DISC1: variants seen among roughly 807,000 people sequenced by gnomAD.
DISC1 encodes DISC1 scaffold protein.
A neutral mutation model predicts 84.5 loss-of-function variants in DISC1; 57 were observed. The ratio of observed to expected loss-of-function variants is 0.67; its 90% CI spans 0.55 to 0.84. The LOEUF is 0.84. Among genes scored for constraint, DISC1 ranks in the 40% least tolerant of loss-of-function variants. DISC1 has a pLI of 0.00. For synonymous variants in DISC1, 411 were observed against 415.2 expected (o/e 0.99, Z 0.12); for missense variants, 1,000 against 1,057.8 (o/e 0.95, Z 0.76).
At chr1:231,952,311 C>T (rs755024198) in intron 9 of DISC1, among the ~76,000 whole-genome samples, 4 of 152,062 alleles carry the variant, frequency 2.6e-5, no homozygotes, top group South Asian at 4.1e-4. Flanking sequence ...ACATACTGAA[C>T]GATGCCCTGA....
intron 9 of DISC1, among the ~76,000 whole-genome samples, chr1:231,933,600 G>A (rs752365233): frequency 8.6e-5 from 13 of 151,984 alleles, no homozygotes; most frequent in African/African-American, 2.9e-4. Context: ...TAAAACATTC[G>A]TTCTCATCCC....
chr1:231,833,592 G>C (rs561649259), intron 9 of DISC1, among the ~76,000 whole-genome samples: 1 of 150,256 alleles, frequency 6.7e-6, no homozygotes, highest in Non-Finnish European at 1.5e-5. Flanking sequence ...GTGGAGTCCC[G>C]CACAGATGAG....
At chr1:232,015,475 A>T (rs139694845) in intron 11 of DISC1, among the ~76,000 whole-genome samples, 1 of 152,134 alleles carries the variant, frequency 6.6e-6, no homozygotes, top group Non-Finnish European at 1.5e-5. Flanking sequence ...GTGTTATCCA[A>T]TGAATCCTCA....
chr1:232,019,456 A>C (rs975440213), intron 11 of DISC1, among the ~76,000 whole-genome samples: 4 of 152,200 alleles, frequency 2.6e-5, no homozygotes, highest in Non-Finnish European at 4.4e-5. Flanking sequence ...CTGTACTTTA[A>C]ATGATCCGTT....
In DISC1 at chr1:231,675,273, C is replaced by T. The variant is rs987429332; in HGVS notation, c.68-18553C>T. On this transcript the variant is annotated intron_variant, in intron 1 of 12. Coordinates refer to ENST00000439617, the MANE Select transcript of DISC1 (RefSeq NM_018662.3). The surrounding 1 kb of genome is among the most constrained non-coding windows in gnomAD (Gnocchi z 4.1). ...CTTGGTGGATCCTGCCGGAATGACA[C>T]ATCTTTTTGCTTTGGGATGATTGCT... Among the ~76,000 whole-genome samples, 2 of 152,006 alleles carry T rather than the reference C, an allele frequency of 1.3e-5. No homozygotes were observed. The highest frequency in any genetic ancestry group is 4.8e-5 in the African/African-American group (2 of 41,382).
chr1:231,942,992 C>G (rs2091436483), intron 9 of DISC1, among the ~76,000 whole-genome samples: 1 of 152,230 alleles, frequency 6.6e-6, no homozygotes, highest in Non-Finnish European at 1.5e-5. Context: ...TTGCCTTTTT[C>G]TCTTCCTTTG....
At chr1:231,771,648 C>A in intron 6 of DISC1, 1 of 952,156 alleles carries the variant, frequency 1.1e-6, no homozygotes. Flanking sequence ...ATAATTTGCC[C>A]AAAGTCCTAA....
intron 1 of DISC1, among the ~76,000 whole-genome samples, chr1:231,686,873 G>A (rs147002376): frequency 6.6e-6 from 1 of 152,054 alleles, no homozygotes; most frequent in South Asian, 2.1e-4. Flanking sequence ...AATTTCTTCC[G>A]CCAGATACCC....
At chr1:231,991,711 G>A in intron 10 of DISC1, among the ~76,000 whole-genome samples, 1 of 152,184 alleles carries the variant, frequency 6.6e-6, no homozygotes, top group South Asian at 2.1e-4. Context: ...ATTATTATAG[G>A]GTGTGTGTGG....
chr1:231,838,396 T>C (rs965765788), intron 9 of DISC1, among the ~76,000 whole-genome samples: 1 of 152,318 alleles, frequency 6.6e-6, no homozygotes, highest in Non-Finnish European at 1.5e-5. Flanking sequence ...TATTTTTTAA[T>C]ATTAAAAATG....
intron 9 of DISC1, among the ~76,000 whole-genome samples, chr1:231,915,660 C>T (rs921719029): frequency 1.1e-4 from 16 of 152,180 alleles, no homozygotes; most frequent in Non-Finnish European, 2.2e-4. Context: ...CACCTGTAAT[C>T]GCAGCTACTT....
chr1:231,832,054 C>T (rs1389764257), intron 9 of DISC1, among the ~76,000 whole-genome samples: 1 of 152,006 alleles, frequency 6.6e-6, no homozygotes, highest in Non-Finnish European at 1.5e-5. Context: ...TCATGAGGGT[C>T]AGGTGTGGTA....
intron 9 of DISC1, among the ~76,000 whole-genome samples, chr1:231,846,525 G>T (rs11588799): frequency 7.8e-4 from 118 of 152,142 alleles, no homozygotes; most frequent in African/African-American, 2.5e-3. Context: ...GAAAATCGTC[G>T]CATTCTCTTG....
At chr1:231,752,309 G>T (rs926535278) in intron 4 of DISC1, among the ~76,000 whole-genome samples, 3 of 152,114 alleles carry the variant, frequency 2.0e-5, no homozygotes, top group Non-Finnish European at 4.4e-5. Flanking sequence ...CAGCTTCTGG[G>T]GAGGCCTCAG....
intron 10 of DISC1, among the ~76,000 whole-genome samples, chr1:232,002,686 C>T (rs1014441026): frequency 6.6e-6 from 1 of 150,928 alleles, no homozygotes; most frequent in Non-Finnish European, 1.5e-5. Context: ...GTTTATACAA[C>T]GTTTTTGAAA....
At chr1:231,854,432 A>G (rs182912327) in intron 9 of DISC1, among the ~76,000 whole-genome samples, 1 of 152,346 alleles carries the variant, frequency 6.6e-6, no homozygotes, top group East Asian at 1.9e-4. Context: ...AAATATACCT[A>G]CTAATATCCA....
At chr1:231,802,795 T>G (rs2079377992) in intron 8 of DISC1, among the ~76,000 whole-genome samples, 1 of 152,120 alleles carries the variant, frequency 6.6e-6, no homozygotes. Context: ...CTTTTTTATA[T>G]TGCCTCAGTT....
chr1:231,723,163 G>T (rs1488261098), intron 3 of DISC1: 2 of 872,866 alleles, frequency 2.3e-6, no homozygotes, highest in East Asian at 1.1e-4. Context: ...CTCCATATCT[G>T]CAGGTTTTAC....
At chr1:231,702,717 C>T in intron 3 of DISC1, 1 of 462,646 alleles carries the variant, frequency 2.2e-6, no homozygotes, top group African/African-American at 2.1e-5. Flanking sequence ...TGAGGGCTGA[C>T]ATGGGGGTTG....
Sources: gnomAD v4.1 joint callset for allele counts (sites outside exome capture counted in the v4.1 genomes callset) on GRCh38, gnomAD v4.1.1 for gene constraint, Gnocchi (gnomAD v3.1) non-coding constraint, MANE v1.5 for transcripts, NCBI Gene and HGNC (gene_info 2026-07-23, HGNC 2026-07-21) for gene names.